Variants in ZNF761 observed in about 807,000 individuals in gnomAD.
ZNF761 encodes zinc finger protein 761.
Under a neutral mutation model 59.9 loss-of-function variants are expected in ZNF761, and 43 were observed. That is an observed-to-expected ratio of 0.72 (90% CI 0.56 to 0.92). The LOEUF is 0.92. Ranked by LOEUF, ZNF761 falls within the 40% of genes least tolerant of loss-of-function variation. The probability of loss-of-function intolerance (pLI) is 0.00; values close to 1 mark genes in which losing one functional copy is unlikely to be tolerated. For synonymous variants in ZNF761, 294 were observed against 304.8 expected (o/e 0.96, Z 0.37); for missense variants, 850 against 906.1 (o/e 0.94, Z 0.79).
At chr19:53,442,958 A>G (rs2147128837) in intron 1 of ZNF761, 3 of 311,904 alleles carry the variant, frequency 9.6e-6, no homozygotes, top group South Asian at 8.0e-5. Context: ...TTTTCTGTAC[A>G]AGTATATTTT....
At chr19:53,450,992 C>CAA (rs34019664) in intron 4 of ZNF761, among the ~76,000 whole-genome samples, 1,787 of 121,944 alleles carry the variant, frequency 0.015, 37 homozygotes, top group African/African-American at 0.046. Flanking sequence ...GACTCTGTCT[C>CAA]AAAAAAAAAA....
Position 53,441,159 on chromosome 19 carries a change from G to A in ZNF761, c.-184-5068G>A, listed in dbSNP as rs533416662. On this transcript the variant is annotated intron_variant, in intron 1 of 4. Coordinates refer to ENST00000684525, the MANE Select transcript of ZNF761 (RefSeq NM_001289951.2). ...TAGCCAGGCATGGTGGTGTGCACCT[G>A]TAGTCATAGCTACTGGGGAGGCTGA... Among the ~76,000 whole-genome samples, 95 of 152,230 alleles carry A rather than the reference G, an allele frequency of 6.2e-4. 1 individual carries two copies. Among genetic ancestry groups the A allele is most frequent in the African/African-American group, 1.9e-3 (80 of 41,546 alleles).
intron 1 of ZNF761, among the ~76,000 whole-genome samples, chr19:53,435,450 A>G (rs1200368573): frequency 2.0e-5 from 3 of 151,736 alleles, no homozygotes; most frequent in African/African-American, 7.3e-5. Flanking sequence ...GATTACAGGC[A>G]TGCGCCACCA....
intron 4 of ZNF761, among the ~76,000 whole-genome samples, chr19:53,453,806 G>A (rs2086241158): frequency 2.0e-5 from 3 of 152,252 alleles, no homozygotes; most frequent in African/African-American, 7.2e-5. Context: ...AACCCAAAAG[G>A]TGGATGTTGC....
At chr19:53,433,058 G>T (rs535569279) in intron 1 of ZNF761, among the ~76,000 whole-genome samples, 1 of 148,304 alleles carries the variant, frequency 6.7e-6, no homozygotes, top group Admixed American at 6.7e-5. Flanking sequence ...GGGTATAACA[G>T]GGAAGAGAGA....
chr19:53,449,810 T>TC, intron 4 of ZNF761, 172 bp downstream of exon 4: 1 of 1,417,916 alleles, frequency 7.1e-7, no homozygotes, highest in South Asian at 1.4e-5. Flanking sequence ...CACCTCAGCC[T>TC]CCCCCGGTAG....
At chr19:53,440,866 G>A (rs1159214348) in intron 1 of ZNF761, among the ~76,000 whole-genome samples, 3 of 152,060 alleles carry the variant, frequency 2.0e-5, no homozygotes, top group African/African-American at 4.8e-5. Flanking sequence ...TGGTAGAAAC[G>A]CGTTTCACTA....
chr19:53,455,704 C>T lies in ZNF761; in HGVS notation c.1197C>T (p.Cys399=). The T allele has an allele frequency of 6.2e-7, 1 of 1,613,404 alleles. No individual in the cohort carries two copies. Among genetic ancestry groups the T allele is most frequent in the African/African-American group, 1.3e-5 (1 of 74,712 alleles). The change falls in exon 5 of 5, where the codon TGC becomes TGT. Residue 399 remains cysteine (C), a synonymous_variant. Coordinates refer to ENST00000684525, the MANE Select transcript of ZNF761 (RefSeq NM_001289951.2). ...TTAGTCACAAGTCATCCCTTACATG[C>T]CATCGTAGACTTCATACTGGAGAGA... ...KTFSHKSSLT[C]HRRLHTGEKP...
rs746451080 is a variant in ZNF761, at chr19:53,455,987, T to C, written c.1480T>C (p.Tyr494His). 2.5e-6 allele frequency: 4 copies of C among 1,613,830 alleles called. No homozygotes were observed. Among genetic ancestry groups the C allele is most frequent in the South Asian group, 1.1e-5 (1 of 91,056 alleles). Residue 494 changes from tyrosine to histidine, a missense_variant, in exon 5 of 5, where the codon TAC (tyrosine) becomes CAC (histidine). Coordinates refer to ENST00000684525, the MANE Select transcript of ZNF761 (RefSeq NM_001289951.2). ...HRRIHTGEKP[Y>H]KCNECGKTFS... ...GAGAATTCATACTGGAGAGAAACCA[T>C]ACAAGTGTAATGAGTGTGGCAAGAC...
chr19:53,450,040 C>T lies in ZNF761; in HGVS notation c.142+402C>T, dbSNP rs551061104. ...ATATGTGTGGCCGGGCTTGGTGGCTCACGCCTGTAATCCCAGCACTTTGGG... is the reference window on the plus strand; with the variant it reads ...ATATGTGTGGCCGGGCTTGGTGGCTTACGCCTGTAATCCCAGCACTTTGGG... On this transcript the variant is annotated intron_variant, in intron 4 of 4. Coordinates refer to ENST00000684525, the MANE Select transcript of ZNF761 (RefSeq NM_001289951.2). 19 of 422,206 alleles carry T rather than the reference C, an allele frequency of 4.5e-5. No individual in the cohort carries two copies. In the South Asian group the frequency reaches 6.2e-4, roughly 14 times the overall value. 26.2% of individuals were successfully genotyped at this position (422,206 alleles called of 1,614,324 possible). A position where few individuals can be genotyped will look rare whatever the true frequency, so the allele number is the denominator to read the frequency against.
intron 1 of ZNF761, among the ~76,000 whole-genome samples, chr19:53,435,127 G>T (rs4803115): frequency 0.19 from 28,152 of 151,574 alleles, 2,787 homozygotes; most frequent in East Asian, 0.37. Context: ...TCGGTAAAAG[G>T]GGGGGACCTT....
At chr19:53,453,142 C>T (rs1487217816) in intron 4 of ZNF761, among the ~76,000 whole-genome samples, 1 of 152,160 alleles carries the variant, frequency 6.6e-6, no homozygotes, top group Non-Finnish European at 1.5e-5. Context: ...GCTGAGATTA[C>T]AGGCACCCAC....
chr19:53,435,289 C>CT (rs368157010), intron 1 of ZNF761, among the ~76,000 whole-genome samples: 3,685 of 53,580 alleles, frequency 0.069, 1,003 homozygotes, highest in Non-Finnish European at 0.099. Context: ...AATACAAGTC[C>CT]TTTTTTTTTT....
At chr19:53,449,921 A>G (rs2086202063) in intron 4 of ZNF761, 1 of 611,646 alleles carries the variant, frequency 1.6e-6, no homozygotes, top group South Asian at 2.7e-5. Flanking sequence ...TGATCTCCTG[A>G]GCTCAAGAGA....
chr19:53,435,289 C>CTTT (rs368157010), intron 1 of ZNF761, among the ~76,000 whole-genome samples: 659 of 53,630 alleles, frequency 0.012, 117 homozygotes, highest in Non-Finnish European at 0.016. Context: ...AATACAAGTC[C>CTTT]TTTTTTTTTT....
rs138122832 is a variant in ZNF761, at chr19:53,441,316, G to C, written c.-184-4911G>C. ...AGCAAACAAAAAATAAAAAACAAAA[G>C]GGACATCAAAAGTGCTTTTGTTTTC... On this transcript the variant is annotated intron_variant, in intron 1 of 4. Transcript: ENST00000684525. Among the ~76,000 whole-genome samples, 4 of 152,134 alleles carry C rather than the reference G, an allele frequency of 2.6e-5. No homozygotes were observed. In the East Asian group the frequency reaches 7.7e-4, roughly 29 times the overall value.
chr19:53,441,508 A>T (rs944884392), intron 1 of ZNF761, among the ~76,000 whole-genome samples: 2 of 150,022 alleles, frequency 1.3e-5, no homozygotes, highest in African/African-American at 4.9e-5. Context: ...GTGTAGTGGC[A>T]TGATGTCGGT....
In ZNF761 at chr19:53,456,970, T is replaced by C. The variant is rs2708741; in HGVS notation, c.*222T>C. 0.39 allele frequency: 281,250 copies of C among 713,406 alleles called. 57,070 individuals are homozygous for C. The highest frequency in any genetic ancestry group is 0.51 in the Admixed American group (19,995 of 39,388). The allele number at this position is 713,406 out of a possible 1,614,324, so 44.2% of individuals were successfully genotyped here. Reference sequence around the variant, plus strand: ...AAACCGTGAAAGACAGGAGAATTCATACTGGAGAGAAACCATAAAAATGTA... The same window carrying C: ...AAACCGTGAAAGACAGGAGAATTCACACTGGAGAGAAACCATAAAAATGTA... On this transcript the variant is annotated 3_prime_UTR_variant, in exon 5 of 5. Coordinates refer to ENST00000684525, the MANE Select transcript of ZNF761 (RefSeq NM_001289951.2).
chr19:53,456,854 T>A lies in ZNF761; in HGVS notation c.*106T>A. The A allele has an allele frequency of 7.7e-7, 1 of 1,304,610 alleles. No homozygotes were observed. The highest frequency in any genetic ancestry group is 1.1e-6 in the Non-Finnish European group (1 of 924,394). The allele number at this position is 1,304,610 out of a possible 1,614,324, so 80.8% of individuals were successfully genotyped here. A position where few individuals can be genotyped will look rare whatever the true frequency, so the allele number is the denominator to read the frequency against. ...GTGAAGCATGTGATAAAGTTTACAG[T>A]GGCAAATCAAGCCTCAGAAGACAGG... On this transcript the variant is annotated 3_prime_UTR_variant, in exon 5 of 5. Transcript: ENST00000684525.
Sources: gnomAD v4.1 joint callset for allele counts (sites outside exome capture counted in the v4.1 genomes callset) on GRCh38, gnomAD v4.1.1 for gene constraint, MANE v1.5 for transcripts, NCBI Gene and HGNC (gene_info 2026-07-23, HGNC 2026-07-21) for gene names.